BCHE: variants seen among roughly 807,000 people sequenced by gnomAD.
The protein encoded by BCHE is butyrylcholinesterase.
BCHE carries 48 observed loss-of-function variants against 51.3 expected under a neutral mutation model. The ratio of observed to expected loss-of-function variants is 0.94; its 90% CI spans 0.74 to 1.19. BCHE has a LOEUF of 1.19. Ranked by LOEUF, BCHE falls within the 50% of genes most tolerant of loss-of-function variation. The pLI, the probability that BCHE is intolerant of heterozygous loss-of-function variation, is 0.00. For missense variants in BCHE, 847 were observed against 708.2 expected, an observed-to-expected ratio of 1.20 and a Z score of -2.23; for synonymous variants, 251 against 238.0, an observed-to-expected ratio of 1.05 and a Z score of -0.50.
chr3:165,806,236 A>G (rs576621689), intron 2 of BCHE, among the ~76,000 whole-genome samples: 43 of 152,050 alleles, frequency 2.8e-4, no homozygotes, highest in Non-Finnish European at 2.2e-4. Flanking sequence ...CCCCAGATTC[A>G]TGTCTCCTCA....
chr3:165,788,149 G>T (rs894829821), intron 2 of BCHE, among the ~76,000 whole-genome samples: 2 of 151,758 alleles, frequency 1.3e-5, no homozygotes, highest in African/African-American at 4.8e-5. Context: ...TTTGGCCAAA[G>T]TCTCTAAGTC....
intron 2 of BCHE, among the ~76,000 whole-genome samples, chr3:165,791,809 C>T (rs1474344418): frequency 1.3e-5 from 2 of 151,510 alleles, no homozygotes; most frequent in Admixed American, 6.6e-5. Flanking sequence ...AAAAATTACC[C>T]GATATGATCA....
At chr3:165,803,189 C>T (rs1342777779) in intron 2 of BCHE, among the ~76,000 whole-genome samples, 1 of 152,142 alleles carries the variant, frequency 6.6e-6, no homozygotes, top group African/African-American at 2.4e-5. Context: ...TCATTGACTA[C>T]CTAATATGTG....
chr3:165,828,962 A>G (rs1004839509), intron 2 of BCHE, among the ~76,000 whole-genome samples: 3 of 152,080 alleles, frequency 2.0e-5, no homozygotes, highest in Non-Finnish European at 2.9e-5. Flanking sequence ...GGCTGCCTCA[A>G]ATCTGATCAG....
intron 3 of BCHE, among the ~76,000 whole-genome samples, chr3:165,779,132 G>T (rs560044068): frequency 6.6e-6 from 1 of 152,020 alleles, no homozygotes; most frequent in African/African-American, 2.4e-5. Context: ...TATTAATCTC[G>T]TACTACGGAT....
intron 2 of BCHE, among the ~76,000 whole-genome samples, chr3:165,808,406 T>A (rs1166655706): frequency 6.6e-6 from 1 of 152,160 alleles, no homozygotes; most frequent in East Asian, 1.9e-4. Flanking sequence ...ACATACCTAA[T>A]TTTTGCATAC....
chr3:165,775,520 C>G (rs1164913693), intron 3 of BCHE, among the ~76,000 whole-genome samples: 1 of 151,550 alleles, frequency 6.6e-6, no homozygotes, highest in East Asian at 1.9e-4. Flanking sequence ...AATAAAAACT[C>G]TAAATTCCAG....
chr3:165,830,136 T>C lies in BCHE; in HGVS notation c.898A>G (p.Ile300Val). 6.2e-7 allele frequency: 1 copy of C among 1,613,942 alleles called. No individual in the cohort carries two copies. The highest frequency in any genetic ancestry group is 1.7e-5 in the Admixed American group (1 of 59,946). The change falls in exon 2 of 4, where the codon ATT becomes GTT. Residue 300 changes from isoleucine (I) to valine (V), a missense_variant. Coordinates refer to ENST00000264381, the MANE Select transcript of BCHE (RefSeq NM_000055.4). ...KCLRNKDPQE[I>V]LLNEAFVVPY... Reference sequence around the variant, plus strand: ...ACAACAAATGCTTCATTCAGAAGAATTTCTTGGGGATCTTTATTTCTAAGA... The same window carrying C: ...ACAACAAATGCTTCATTCAGAAGAACTTCTTGGGGATCTTTATTTCTAAGA...
At chr3:165,836,523 C>A (rs1459636339) in intron 1 of BCHE, among the ~76,000 whole-genome samples, 1 of 151,840 alleles carries the variant, frequency 6.6e-6, no homozygotes, top group Non-Finnish European at 1.5e-5. Context: ...TACTTTTAGT[C>A]ATTCATAGAT....
At chr3:165,778,947 G>A (rs909127487) in intron 3 of BCHE, among the ~76,000 whole-genome samples, 2 of 151,634 alleles carry the variant, frequency 1.3e-5, no homozygotes, top group Non-Finnish European at 2.9e-5. Context: ...TTATATTTTT[G>A]TGGGTAATTG....
chr3:165,786,043 T>C, intron 3 of BCHE, 102 bp downstream of exon 3: 1 of 1,243,484 alleles, frequency 8.0e-7, no homozygotes, highest in Non-Finnish European at 1.2e-6. Context: ...AAGTCAGAGA[T>C]ACATATAGTA....
intron 3 of BCHE, among the ~76,000 whole-genome samples, chr3:165,780,736 G>A (rs1712663702): frequency 1.3e-5 from 2 of 152,116 alleles, no homozygotes; most frequent in South Asian, 2.1e-4. Flanking sequence ...AGTCAGAAAG[G>A]CAATTATTAT....
intron 2 of BCHE, among the ~76,000 whole-genome samples, chr3:165,807,392 T>C (rs1713905351): frequency 6.6e-6 from 1 of 151,930 alleles, no homozygotes; most frequent in Non-Finnish European, 1.5e-5. Flanking sequence ...CTATTTAGAA[T>C]ACAATAATAC....
intron 3 of BCHE, among the ~76,000 whole-genome samples, chr3:165,776,050 A>G (rs973878722): frequency 1.3e-5 from 2 of 151,950 alleles, no homozygotes; most frequent in African/African-American, 4.8e-5. Flanking sequence ...ATTCATGATT[A>G]AAAACCATGT....
At chr3:165,782,442 T>C (rs978324364) in intron 3 of BCHE, among the ~76,000 whole-genome samples, 1 of 152,086 alleles carries the variant, frequency 6.6e-6, no homozygotes, top group Middle Eastern at 3.2e-3. Flanking sequence ...TTGGCATAAC[T>C]TTTTGAGTTC....
chr3:165,794,806 T>C (rs1303828098), intron 2 of BCHE, among the ~76,000 whole-genome samples: 2 of 152,158 alleles, frequency 1.3e-5, no homozygotes, highest in Admixed American at 1.3e-4. Context: ...ATTCTGCAAA[T>C]TGAATATTAG....
At chr3:165,776,150 T>G (rs1712463806) in intron 3 of BCHE, among the ~76,000 whole-genome samples, 1 of 151,992 alleles carries the variant, frequency 6.6e-6, no homozygotes, top group Admixed American at 6.6e-5. Flanking sequence ...TTTAACTTAT[T>G]TAAAATTTGA....
rs1367139040 is a variant in BCHE, at chr3:165,832,483, G to C, written c.-8-1442C>G. On this transcript the variant is annotated intron_variant, in intron 1 of 3. Transcript: ENST00000264381. ...AATTTTTGTATTTTAGTAGAGATGGGGTTTTACCATGTTGGCCAGGCTGGT... is the reference window on the plus strand; with the variant it reads ...AATTTTTGTATTTTAGTAGAGATGGCGTTTTACCATGTTGGCCAGGCTGGT... 2.0e-5 allele frequency among the ~76,000 whole-genome samples: 3 copies of C among 151,944 alleles called. No individual in the cohort carries two copies. In the East Asian group the frequency reaches 5.8e-4, roughly 29 times the overall value.
rs56825160 is a variant in BCHE at position 165,804,578 on chromosome 3, G to A, written c.1518-18267C>T. 1.2e-4 allele frequency among the ~76,000 whole-genome samples: 19 copies of A among 152,200 alleles called. No individual in the cohort carries two copies. In the East Asian group the frequency reaches 3.7e-3, roughly 29 times the overall value. ...AGGGAGGTAGAGAGGACTTGGCCAG[G>A]GTTTTTGATAAGTTAATTGATTTTG... On this transcript the variant is annotated intron_variant, in intron 2 of 3. Coordinates refer to ENST00000264381, the MANE Select transcript of BCHE (RefSeq NM_000055.4).
Sources: gnomAD v4.1 joint callset for allele counts (sites outside exome capture counted in the v4.1 genomes callset) on GRCh38, gnomAD v4.1.1 for gene constraint, MANE v1.5 for transcripts, NCBI Gene and HGNC (gene_info 2026-07-23, HGNC 2026-07-21) for gene names.